PIAS2: variants seen among roughly 807,000 people sequenced by gnomAD.
PIAS2 encodes the protein E3 SUMO-protein ligase PIAS2.
In PIAS2, 19 loss-of-function variants were observed where a neutral mutation model predicts 69.7. The ratio of observed to expected loss-of-function variants is 0.27; its 90% CI spans 0.19 to 0.40. PIAS2 has a LOEUF of 0.40. Among genes scored for constraint, PIAS2 ranks in the 10% least tolerant of loss-of-function variants. The pLI is 1.00. For missense variants in PIAS2, 624 were observed against 757.0 expected (o/e 0.82, Z 2.06); for synonymous variants, 261 against 263.2 (o/e 0.99, Z 0.08).
At chr18:46,905,808 A>T (rs1158810087) in intron 1 of PIAS2, 1 of 152,180 alleles carries the variant, frequency 6.6e-6, no homozygotes, top group African/African-American at 2.4e-5. Context: ...AGAAAACAAT[A>T]GTAATAATTT....
chr18:46,907,580 T>C (rs1338633842), intron 1 of PIAS2: 2 of 152,172 alleles, frequency 1.3e-5, no homozygotes, highest in African/African-American at 2.4e-5. Flanking sequence ...CAATAACATA[T>C]AGTTGAATAT....
At chr18:46,876,937 T>C (rs2051306753) in intron 2 of PIAS2, among the ~76,000 whole-genome samples, 3 of 152,250 alleles carry the variant, frequency 2.0e-5, no homozygotes, top group African/African-American at 4.8e-5. Context: ...CCTGACCTCA[T>C]GATCCACCTG....
chr18:46,813,054 A>G (rs1249583262), intron 13 of PIAS2, among the ~76,000 whole-genome samples: 4 of 152,182 alleles, frequency 2.6e-5, no homozygotes, highest in African/African-American at 9.6e-5. Flanking sequence ...GTATGGATTG[A>G]GTATCAAACA....
At chr18:46,919,257 C>T (rs148593381), upstream of PIAS2, among the ~76,000 whole-genome samples, 2 of 151,848 alleles carry the variant, frequency 1.3e-5, no homozygotes, top group Admixed American at 6.6e-5. Flanking sequence ...GAGGCAGAGG[C>T]GGGCGGATCA....
chr18:46,847,080 A>C (rs1395254577), intron 5 of PIAS2, among the ~76,000 whole-genome samples: 2 of 152,356 alleles, frequency 1.3e-5, no homozygotes, highest in East Asian at 3.9e-4. Context: ...CCAACATTAA[A>C]ATTAAAGATG....
intron 3 of PIAS2, among the ~76,000 whole-genome samples, chr18:46,862,705 A>G (rs1393804389): frequency 6.6e-6 from 1 of 152,036 alleles, no homozygotes; most frequent in African/African-American, 2.4e-5. Context: ...ATATACACAT[A>G]TATGTATATA....
At chr18:46,884,395 C>G (rs1391515460) in intron 2 of PIAS2, among the ~76,000 whole-genome samples, 1 of 151,956 alleles carries the variant, frequency 6.6e-6, no homozygotes, top group Non-Finnish European at 1.5e-5. Flanking sequence ...TCACTGCAAG[C>G]TCCGCCTCCC....
rs1448388817 is a variant in PIAS2, at chr18:46,841,443, T to C, written c.1041+2611A>G. Among the ~76,000 whole-genome samples the C allele has an allele frequency of 4.6e-5, 7 of 152,314 alleles. 1 individual carries two copies. The South Asian group carries it at 8.3e-4, about 18-fold the overall frequency. On this transcript the variant is annotated intron_variant, in intron 8 of 13. Coordinates refer to ENST00000585916, the MANE Select transcript of PIAS2 (RefSeq NM_004671.5). ...TGCACCAGATCCCATGTTATTTCCA[T>C]TGTTAGCTGGCTGGACTCCATTCTG...
chr18:46,901,338 GGCGGAC>G, intron 1 of PIAS2: 1 of 270,888 alleles, frequency 3.7e-6, no homozygotes, highest in Non-Finnish European at 7.5e-6. Flanking sequence ...GAACCTGGGA[GGCGGAC>G]GTTGTGGTGA....
chr18:46,822,390 T>G (rs531856065), intron 11 of PIAS2, among the ~76,000 whole-genome samples: 4 of 152,148 alleles, frequency 2.6e-5, no homozygotes, highest in African/African-American at 9.6e-5. Flanking sequence ...GGCAATAACA[T>G]AAGCCTGGTA....
chr18:46,815,808 T>G, intron 12 of PIAS2: 6 of 994,380 alleles, frequency 6.0e-6, no homozygotes, highest in Middle Eastern at 5.1e-4. Flanking sequence ...GACAGCTCTC[T>G]GTCCCCGCTG....
In PIAS2 at chr18:46,892,559, G is replaced by T. The variant is rs138627575; in HGVS notation, c.25-1505C>A. ...AGGCCAACACAAGAGGATCACTTGA[G>T]CCCAGGAGTTCGAGACCACACTGGA... On this transcript the variant is annotated intron_variant, in intron 1 of 13. Transcript: ENST00000585916. 4.3e-3 allele frequency among the ~76,000 whole-genome samples: 659 copies of T among 152,024 alleles called. 3 individuals carry two copies. The highest frequency in any genetic ancestry group is 0.015 in the African/African-American group (637 of 41,454).
chr18:46,918,215 T>G (rs569802041), upstream of PIAS2, among the ~76,000 whole-genome samples: 1 of 152,224 alleles, frequency 6.6e-6, no homozygotes, highest in South Asian at 2.1e-4. Flanking sequence ...CCCCGTAATG[T>G]GCTGATATAG....
intron 3 of PIAS2, among the ~76,000 whole-genome samples, chr18:46,857,220 C>T (rs1377231771): frequency 1.3e-5 from 2 of 151,826 alleles, no homozygotes; most frequent in Non-Finnish European, 2.9e-5. Flanking sequence ...ACCCATATCA[C>T]TCCACTCATT....
chr18:46,806,149 C>A lies in PIAS2; in HGVS notation c.*6284G>T, dbSNP rs2040673666. On this transcript the variant is annotated 3_prime_UTR_variant, in exon 14 of 14. Transcript: ENST00000585916. ...CATATCAGTCTCCTAGATAGCACAG[C>A]TAATTAACGTCACTTCAGTTTACGC... 1 of 152,064 alleles carries A rather than the reference C, an allele frequency of 6.6e-6. No homozygotes were observed. The highest frequency in any genetic ancestry group is 6.6e-5 in the Admixed American group (1 of 15,262). 9.4% of individuals were successfully genotyped at this position (152,064 alleles called of 1,614,324 possible).
chr18:46,878,013 C>T (rs1032088282), intron 2 of PIAS2, among the ~76,000 whole-genome samples: 1 of 152,162 alleles, frequency 6.6e-6, no homozygotes, highest in Non-Finnish European at 1.5e-5. Flanking sequence ...TTTATAATTA[C>T]TAAATGAGTA....
chr18:46,887,750 T>C (rs1014209344), intron 2 of PIAS2, among the ~76,000 whole-genome samples: 2 of 152,192 alleles, frequency 1.3e-5, no homozygotes, highest in African/African-American at 4.8e-5. Flanking sequence ...TATAAAAATA[T>C]GAAAAGTATC....
At chr18:46,836,303 T>C (rs2044419595) in intron 9 of PIAS2, 54 bp downstream of exon 9, 3 of 1,377,024 alleles carry the variant, frequency 2.2e-6, no homozygotes, top group Non-Finnish European at 3.1e-6. Context: ...AACAAAGGCA[T>C]TGCCAACAGC....
chr18:46,913,162 G>A (rs1028061456), intron 1 of PIAS2, among the ~76,000 whole-genome samples: 1 of 152,232 alleles, frequency 6.6e-6, no homozygotes, highest in African/African-American at 2.4e-5. Flanking sequence ...GGAGAGGAGC[G>A]TGATGAGGAC....
Sources: allele counts gnomAD v4.1 joint callset (sites outside exome capture counted in the v4.1 genomes callset), GRCh38; gene constraint gnomAD v4.1.1; transcripts MANE v1.5; gene names NCBI Gene and HGNC (gene_info 2026-07-23, HGNC 2026-07-21).